The following MAGI2 variants were observed in gnomAD, a reference collection of about 807,000 sequenced individuals.
MAGI2 encodes membrane associated guanylate kinase, WW and PDZ domain containing 2, also known as membrane-associated guanylate kinase, WW and PDZ domain-containing protein 2.
A neutral mutation model predicts 133.3 loss-of-function variants in MAGI2; 35 were observed. The ratio of observed to expected loss-of-function variants is 0.26; its 90% CI spans 0.20 to 0.35. The LOEUF (loss-of-function observed/expected upper bound fraction) is 0.35, where lower values mean the gene tolerates loss of function less well. Ranked by LOEUF, MAGI2 falls within the 10% of genes least tolerant of loss-of-function variation. The pLI is 1.00. For synonymous variants in MAGI2, 729 were observed against 710.6 expected (o/e 1.03, Z -0.41); for missense variants, 1,636 against 1,863.4 (o/e 0.88, Z 2.25).
chr7:78,976,694 A>G (rs1804281946), intron 2 of MAGI2, among the ~76,000 whole-genome samples: 1 of 130,926 alleles, frequency 7.6e-6, no homozygotes, highest in Non-Finnish European at 1.6e-5. Flanking sequence ...TTTAAAATGT[A>G]GAAACACCAA....
intron 2 of MAGI2, among the ~76,000 whole-genome samples, chr7:78,653,240 A>T (rs996103018): frequency 1.3e-5 from 2 of 152,160 alleles, no homozygotes; most frequent in Non-Finnish European, 2.9e-5. Context: ...TTCCTCAAGG[A>T]TCTAGAACCA....
chr7:78,343,765 T>G lies in MAGI2; in HGVS notation c.1408+13A>C. Reference sequence around the variant, plus strand: ...TGTTGCAAAACAATTTTCTAAACCATGAAGGACCTTACCTGTTTCCATTTT... The same window carrying G: ...TGTTGCAAAACAATTTTCTAAACCAGGAAGGACCTTACCTGTTTCCATTTT... On this transcript the variant is annotated intron_variant, in intron 9 of 21. Coordinates refer to ENST00000354212, the MANE Select transcript of MAGI2 (RefSeq NM_012301.4). 2 of 1,488,576 alleles carry G rather than the reference T, an allele frequency of 1.3e-6. No individual in the cohort carries two copies. The highest frequency in any genetic ancestry group is 1.8e-6 in the Non-Finnish European group (2 of 1,119,418). The allele number at this position is 1,488,576 out of a possible 1,614,324, so 92.2% of individuals were successfully genotyped here. A position where few individuals can be genotyped will look rare whatever the true frequency, so the allele number is the denominator to read the frequency against.
At chr7:78,848,079 A>G (rs939793110) in intron 2 of MAGI2, among the ~76,000 whole-genome samples, 1 of 151,940 alleles carries the variant, frequency 6.6e-6, no homozygotes, top group Non-Finnish European at 1.5e-5. Flanking sequence ...ACTCCCAGAT[A>G]AGTACCTAGA....
At chr7:79,448,761 A>T (rs938650312) in intron 1 of MAGI2, among the ~76,000 whole-genome samples, 1 of 152,188 alleles carries the variant, frequency 6.6e-6, no homozygotes, top group Non-Finnish European at 1.5e-5. Flanking sequence ...TCATTATGAA[A>T]GTGAATTTGT....
chr7:78,161,193 T>A (rs981995854), intron 15 of MAGI2, among the ~76,000 whole-genome samples: 3 of 152,160 alleles, frequency 2.0e-5, no homozygotes, highest in Non-Finnish European at 4.4e-5. Context: ...AATACTTTCA[T>A]GAGAAAAAGC....
chr7:79,402,488 A>G (rs2129163732), intron 1 of MAGI2, among the ~76,000 whole-genome samples: 1 of 152,304 alleles, frequency 6.6e-6, no homozygotes, highest in East Asian at 1.9e-4. Context: ...TACTTTCCAT[A>G]GTTTAAAAAT....
chr7:79,235,670 C>T (rs1271359534), intron 1 of MAGI2, among the ~76,000 whole-genome samples: 1 of 152,182 alleles, frequency 6.6e-6, no homozygotes, highest in Middle Eastern at 3.2e-3. Context: ...GGTGCGCGCA[C>T]CCACTGACCT....
At chr7:78,650,007 G>A (rs1186951671) in intron 2 of MAGI2, among the ~76,000 whole-genome samples, 3 of 152,144 alleles carry the variant, frequency 2.0e-5, no homozygotes, top group East Asian at 1.9e-4. Flanking sequence ...GAGATTGTGA[G>A]TGTCTAACAA....
chr7:79,298,493 T>C (rs908235334), intron 1 of MAGI2, among the ~76,000 whole-genome samples: 3 of 152,148 alleles, frequency 2.0e-5, no homozygotes, highest in Admixed American at 6.5e-5. Flanking sequence ...GTTCTTATAA[T>C]TTATTATAAG....
intron 1 of MAGI2, among the ~76,000 whole-genome samples, chr7:79,311,132 T>A (rs1459362483): frequency 3.3e-5 from 5 of 152,088 alleles, no homozygotes; most frequent in African/African-American, 1.2e-4. Context: ...TCAAAACTGC[T>A]CATAAAAGAT....
chr7:78,694,434 T>C (rs549491141), intron 2 of MAGI2, among the ~76,000 whole-genome samples: 1 of 152,300 alleles, frequency 6.6e-6, no homozygotes, highest in East Asian at 1.9e-4. Flanking sequence ...ATTAAGGATT[T>C]TCTTTCTGTC....
chr7:78,512,992 A>G (rs1353480901), intron 4 of MAGI2, among the ~76,000 whole-genome samples: 1 of 152,216 alleles, frequency 6.6e-6, no homozygotes, highest in Non-Finnish European at 1.5e-5. Context: ...ATCATAAAGA[A>G]ACAAGTCCCC....
intron 1 of MAGI2, among the ~76,000 whole-genome samples, chr7:79,160,558 C>T (rs1824254066): frequency 6.6e-6 from 1 of 151,930 alleles, no homozygotes; most frequent in Admixed American, 6.6e-5. Flanking sequence ...ATTTTAAATG[C>T]TAGAGAATTT....
intron 2 of MAGI2, among the ~76,000 whole-genome samples, chr7:78,926,224 G>C (rs1374111348): frequency 6.6e-6 from 1 of 151,752 alleles, no homozygotes; most frequent in Admixed American, 6.6e-5. Flanking sequence ...TGTTAGCCTT[G>C]AAGATCCTTG....
At chr7:79,169,803 T>C (rs1825334830) in intron 1 of MAGI2, among the ~76,000 whole-genome samples, 1 of 152,090 alleles carries the variant, frequency 6.6e-6, no homozygotes, top group Admixed American at 6.6e-5. Context: ...CATACCGGAA[T>C]CCTGTAGCTG....
chr7:78,967,079 T>C (rs1408745721), intron 2 of MAGI2, among the ~76,000 whole-genome samples: 3 of 151,836 alleles, frequency 2.0e-5, no homozygotes, highest in Non-Finnish European at 4.4e-5. Context: ...CCAGGACTAC[T>C]GATGTACAGC....
intron 9 of MAGI2, 130 bp from the exon 10 acceptor site, chr7:78,256,711 TAC>T: frequency 1.4e-6 from 1 of 737,212 alleles, no homozygotes; most frequent in Non-Finnish European, 2.2e-6. Context: ...ATTAGAATAA[TAC>T]TTAAAATCAC....
At chr7:78,267,462 C>T (rs1412184064) in intron 9 of MAGI2, among the ~76,000 whole-genome samples, 1 of 152,060 alleles carries the variant, frequency 6.6e-6, no homozygotes, top group Admixed American at 6.6e-5. Flanking sequence ...AACTTGGACC[C>T]TTTTATTTCC....
chr7:78,995,399 C>T (rs1211069516), intron 2 of MAGI2, among the ~76,000 whole-genome samples: 1 of 151,838 alleles, frequency 6.6e-6, no homozygotes, highest in Non-Finnish European at 1.5e-5. Flanking sequence ...TCTTTTTCTC[C>T]CATTAGATAT....
Sources: gnomAD v4.1 joint callset for allele counts (sites outside exome capture counted in the v4.1 genomes callset) on GRCh38, gnomAD v4.1.1 for gene constraint, MANE v1.5 for transcripts, NCBI Gene and HGNC (gene_info 2026-07-23, HGNC 2026-07-21) for gene names.